The following GRID1 variants were observed in gnomAD, a reference collection of about 807,000 sequenced individuals.
GRID1 encodes the protein glutamate ionotropic receptor delta type subunit 1, also known as glutamate receptor ionotropic, delta-1.
Under a neutral mutation model 98.0 loss-of-function variants are expected in GRID1, and 28 were observed. The ratio of observed to expected loss-of-function variants is 0.29; its 90% CI spans 0.21 to 0.39. The LOEUF (loss-of-function observed/expected upper bound fraction) is 0.39, where lower values mean the gene tolerates loss of function less well. Among genes scored for constraint, GRID1 ranks in the 10% least tolerant of loss-of-function variants. The pLI is 1.00. For synonymous variants in GRID1, 553 were observed against 538.5 expected, an observed-to-expected ratio of 1.03 and a Z score of -0.37; for missense variants, 1,111 against 1,340.5, an observed-to-expected ratio of 0.83 and a Z score of 2.67.
At chr10:86,246,191 C>A (rs897884855) in intron 2 of GRID1, among the ~76,000 whole-genome samples, 3 of 152,224 alleles carry the variant, frequency 2.0e-5, no homozygotes, top group Admixed American at 6.5e-5. Flanking sequence ...TGACTTAGAG[C>A]CAGCCTGGAG....
chr10:85,824,224 T>C lies in GRID1; in HGVS notation c.1233+30272A>G, dbSNP rs551260348. ...TTTGTTTGTTTTTTGAGATGGAGTC[T>C]TGCCTTGTCGCAAGAGTACGATCCG... On this transcript the variant is annotated intron_variant, in intron 8 of 15. Transcript: ENST00000327946. Among the ~76,000 whole-genome samples the C allele has an allele frequency of 2.0e-3, 305 of 152,296 alleles. 1 individual carries two copies. The highest frequency in any genetic ancestry group is 2.5e-3 in the Non-Finnish European group (173 of 68,030).
chr10:86,187,003 G>T (rs865907915), intron 3 of GRID1, among the ~76,000 whole-genome samples: 1 of 152,180 alleles, frequency 6.6e-6, no homozygotes, highest in African/African-American at 2.4e-5. Context: ...GACACTCAGT[G>T]CCTTGGTGGA....
intron 5 of GRID1, among the ~76,000 whole-genome samples, chr10:85,888,233 A>G (rs942047299): frequency 6.6e-6 from 1 of 152,218 alleles, no homozygotes; most frequent in African/African-American, 2.4e-5. Context: ...CTGGCTGCCC[A>G]GCATTCAGCT....
chr10:86,037,177 C>A (rs1322445161), intron 4 of GRID1, among the ~76,000 whole-genome samples: 1 of 152,156 alleles, frequency 6.6e-6, no homozygotes, highest in African/African-American at 2.4e-5. Context: ...AACAAAGGTA[C>A]TTGCAAAGAT....
chr10:86,287,742 G>A (rs1589437801), intron 2 of GRID1, among the ~76,000 whole-genome samples: 1 of 151,758 alleles, frequency 6.6e-6, no homozygotes, highest in Non-Finnish European at 1.5e-5. Context: ...ACTTTAAAAA[G>A]TTTCACAGTT....
chr10:85,826,276 G>T (rs573970326), intron 8 of GRID1, among the ~76,000 whole-genome samples: 1 of 152,154 alleles, frequency 6.6e-6, no homozygotes, highest in Non-Finnish European at 1.5e-5. Flanking sequence ...CGAAGGTTGC[G>T]GTGAGCCGAG....
At chr10:86,030,908 C>G (rs1416642538) in intron 4 of GRID1, among the ~76,000 whole-genome samples, 1 of 152,176 alleles carries the variant, frequency 6.6e-6, no homozygotes, top group Non-Finnish European at 1.5e-5. Context: ...GTGGCTCCAT[C>G]TTCCTTCTCT....
At chr10:85,973,350 C>G (rs895105411) in intron 4 of GRID1, among the ~76,000 whole-genome samples, 3 of 151,978 alleles carry the variant, frequency 2.0e-5, no homozygotes, top group Non-Finnish European at 2.9e-5. Flanking sequence ...AATCATGTAG[C>G]CTACTTTTTG....
intron 3 of GRID1, among the ~76,000 whole-genome samples, chr10:86,154,894 C>T (rs946902411): frequency 7.2e-5 from 11 of 152,156 alleles, no homozygotes; most frequent in Non-Finnish European, 1.6e-4. Context: ...AAGCCCCACA[C>T]ACTCCCCGTC....
In GRID1 at chr10:86,241,295, T is replaced by C. The variant is rs1028485291; in HGVS notation, c.236-34647A>G. On this transcript the variant is annotated intron_variant, in intron 2 of 15. Coordinates refer to ENST00000327946, the MANE Select transcript of GRID1 (RefSeq NM_017551.3). ...CCCTGAAGTGACTTTGGCTCCTCTT[T>C]GTAACTCCCTCTCTGTCCTAGCCCT... Among the ~76,000 whole-genome samples, 4 of 152,240 alleles carry C rather than the reference T, an allele frequency of 2.6e-5. No individual in the cohort carries two copies. In the East Asian group the frequency reaches 7.7e-4, roughly 29 times the overall value.
At chr10:86,063,152 G>T (rs1396994962) in intron 4 of GRID1, among the ~76,000 whole-genome samples, 1 of 152,232 alleles carries the variant, frequency 6.6e-6, no homozygotes, top group Non-Finnish European at 1.5e-5. Context: ...TCAGAGGCAG[G>T]ACAACTGAGG....
Position 85,879,916 on chromosome 10 carries a change from G to C in GRID1, c.781-10736C>G, listed in dbSNP as rs530574305. 5.6e-3 allele frequency among the ~76,000 whole-genome samples: 845 copies of C among 151,878 alleles called. 8 individuals carry two copies. The highest frequency in any genetic ancestry group is 9.7e-3 in the Non-Finnish European group (661 of 67,938). On this transcript the variant is annotated intron_variant, in intron 5 of 15. Transcript: ENST00000327946. Reference sequence around the variant, plus strand: ...GAAAAGAGAGAAGAATCAAATAGACGCAATAAAAAATGATAAAGGGTATAT... The same window carrying C: ...GAAAAGAGAGAAGAATCAAATAGACCCAATAAAAAATGATAAAGGGTATAT...
chr10:85,674,264 G>C (rs1841119603), intron 12 of GRID1, among the ~76,000 whole-genome samples: 1 of 152,112 alleles, frequency 6.6e-6, no homozygotes, highest in South Asian at 2.1e-4. Flanking sequence ...TGTTCGCCTA[G>C]GGAACAAAGC....
At chr10:85,923,470 T>C (rs993363467) in intron 4 of GRID1, among the ~76,000 whole-genome samples, 2 of 152,120 alleles carry the variant, frequency 1.3e-5, no homozygotes, top group African/African-American at 4.8e-5. Flanking sequence ...TGGGAAAGGC[T>C]GGAGGGGAAG....
At chr10:85,885,734 T>A (rs1163295181) in intron 5 of GRID1, among the ~76,000 whole-genome samples, 2 of 152,300 alleles carry the variant, frequency 1.3e-5, no homozygotes, top group Middle Eastern at 3.4e-3. Context: ...ACTGAATACA[T>A]CTGCAGTGTT....
chr10:86,161,760 G>C (rs543168970), intron 3 of GRID1, among the ~76,000 whole-genome samples: 9 of 152,296 alleles, frequency 5.9e-5, no homozygotes, highest in African/African-American at 1.9e-4. Flanking sequence ...TGAGCCACAG[G>C]CTTGCAAGCA....
intron 8 of GRID1, among the ~76,000 whole-genome samples, chr10:85,755,331 G>A (rs1374275108): frequency 6.6e-6 from 1 of 152,218 alleles, no homozygotes; most frequent in African/African-American, 2.4e-5. Flanking sequence ...AGATCAATAG[G>A]TCCTGGGTTC....
At chr10:85,975,989 T>C (rs1354249168) in intron 4 of GRID1, among the ~76,000 whole-genome samples, 3 of 152,184 alleles carry the variant, frequency 2.0e-5, no homozygotes, top group Non-Finnish European at 2.9e-5. Context: ...AGAGCTCACC[T>C]ATGGCTCAGG....
At chr10:85,930,541 G>A (rs1305880660) in intron 4 of GRID1, among the ~76,000 whole-genome samples, 1 of 152,044 alleles carries the variant, frequency 6.6e-6, no homozygotes, top group African/African-American at 2.4e-5. Context: ...AGTTGGATGA[G>A]CAGGGGCTGT....
Sources: allele counts gnomAD v4.1 joint callset (sites outside exome capture counted in the v4.1 genomes callset), GRCh38; gene constraint gnomAD v4.1.1; transcripts MANE v1.5; gene names NCBI Gene and HGNC (gene_info 2026-07-23, HGNC 2026-07-21).